The following ACTR3C variants were observed in gnomAD, a reference collection of about 807,000 sequenced individuals.
The protein encoded by ACTR3C is actin related protein 3C.
ACTR3C carries 18 observed loss-of-function variants against 26.3 expected under a neutral mutation model. That is an observed-to-expected ratio of 0.68 (90% CI 0.47 to 1.01). ACTR3C has a LOEUF of 1.01. Ranked by LOEUF, ACTR3C falls within the 50% of genes least tolerant of loss-of-function variation. The probability of loss-of-function intolerance (pLI) is 0.00; values close to 1 mark genes in which losing one functional copy is unlikely to be tolerated. For missense variants in ACTR3C, 184 were observed against 250.7 expected (o/e 0.73, Z 1.80); for synonymous variants, 55 against 94.5 (o/e 0.58, Z 2.42).
At chr7:150,301,732 A>G (rs886456584) in intron 1 of ACTR3C, among the ~76,000 whole-genome samples, 2 of 151,164 alleles carry the variant, frequency 1.3e-5, no homozygotes, top group African/African-American at 5.0e-5. Context: ...TTCAACATGG[A>G]TGAAGCATGA....
chr7:150,275,822 A>C (rs1333230762), intron 6 of ACTR3C, among the ~76,000 whole-genome samples: 1 of 152,166 alleles, frequency 6.6e-6, no homozygotes, highest in African/African-American at 2.4e-5. Context: ...TAGATTGGAA[A>C]TCATGCACTC....
the ACTR3C span, among the ~76,000 whole-genome samples, chr7:149,993,826 G>A: frequency 2.4e-3 from 368 of 151,922 alleles, no homozygotes; most frequent in African/African-American, 8.6e-3. Flanking sequence ...ATTCAGAATG[G>A]GGATATTACC....
At chr7:149,938,945 G>GTA in the ACTR3C span, among the ~76,000 whole-genome samples, 1 of 43,748 alleles carries the variant, frequency 2.3e-5, no homozygotes, top group East Asian at 2.6e-4. Context: ...ATAAATATAT[G>GTA]TATATATATA....
chr7:150,095,969 G>A, the ACTR3C span, among the ~76,000 whole-genome samples: 27 of 148,796 alleles, frequency 1.8e-4, no homozygotes, highest in Non-Finnish European at 4.4e-5. Context: ...GGGACGTGGA[G>A]AAATGACTCC....
chr7:150,182,947 C>G, the ACTR3C span, among the ~76,000 whole-genome samples: 1 of 150,940 alleles, frequency 6.6e-6, no homozygotes, highest in Non-Finnish European at 1.5e-5. Context: ...TTCAAGAACT[C>G]CATCTTCTAC....
At chr7:149,883,070 GT>G in the ACTR3C span, among the ~76,000 whole-genome samples, 1 of 152,344 alleles carries the variant, frequency 6.6e-6, no homozygotes, top group East Asian at 1.9e-4. Flanking sequence ...GACTCTAAGT[GT>G]TTTTAACGTA....
At chr7:149,953,065 A>G in the ACTR3C span, among the ~76,000 whole-genome samples, 12 of 150,684 alleles carry the variant, frequency 8.0e-5, no homozygotes, top group South Asian at 1.0e-3. Flanking sequence ...ACTATCTAGT[A>G]GCTAAATCTG....
chr7:149,911,919 A>T, the ACTR3C span, among the ~76,000 whole-genome samples: 1 of 151,536 alleles, frequency 6.6e-6, no homozygotes, highest in Non-Finnish European at 1.5e-5. Context: ...CTGAGGCAAG[A>T]GGACCCGTTA....
At chr7:150,114,148 T>G in the ACTR3C span, among the ~76,000 whole-genome samples, 1 of 152,218 alleles carries the variant, frequency 6.6e-6, no homozygotes, top group African/African-American at 2.4e-5. Flanking sequence ...AAAGGAAAAG[T>G]TCACCAACGA....
the ACTR3C span, among the ~76,000 whole-genome samples, chr7:150,015,314 T>G: frequency 6.6e-6 from 1 of 152,290 alleles, no homozygotes; most frequent in South Asian, 2.1e-4. Context: ...CAGTCTCTGA[T>G]GTTTTGCAGA....
At chr7:150,042,184 T>G in the ACTR3C span, among the ~76,000 whole-genome samples, 4 of 12,608 alleles carry the variant, frequency 3.2e-4, no homozygotes, top group Admixed American at 8.6e-4. Flanking sequence ...TCGCGGGGGG[T>G]GCCTCCCCCC....
chr7:149,943,133 T>C, the ACTR3C span, among the ~76,000 whole-genome samples: 5 of 150,578 alleles, frequency 3.3e-5, no homozygotes, highest in African/African-American at 1.0e-4. Flanking sequence ...TAAAGTTTTA[T>C]TGGTACACAG....
At chr7:149,976,042 T>C in the ACTR3C span, among the ~76,000 whole-genome samples, 1 of 152,196 alleles carries the variant, frequency 6.6e-6, no homozygotes, top group Non-Finnish European at 1.5e-5. Flanking sequence ...TCATCAACTG[T>C]TCTGGGTGCA....
chr7:150,144,454 T>G, the ACTR3C span, among the ~76,000 whole-genome samples: 1 of 152,200 alleles, frequency 6.6e-6, no homozygotes, highest in African/African-American at 2.4e-5. This position sits in a 1 kb window ranked among gnomAD's most constrained non-coding sequence, Gnocchi z 4.6. Flanking sequence ...TATTTCTGGC[T>G]GGGATCTTAC....
the ACTR3C span, among the ~76,000 whole-genome samples, chr7:149,915,884 A>G: frequency 1.3e-5 from 2 of 151,070 alleles, no homozygotes; most frequent in Non-Finnish European, 2.9e-5. Flanking sequence ...AACACTCAAA[A>G]TAGAGGATAT....
the ACTR3C span, among the ~76,000 whole-genome samples, chr7:149,912,497 T>G: frequency 2.0e-5 from 2 of 101,820 alleles, no homozygotes; most frequent in Non-Finnish European, 2.0e-5. Context: ...AACATGAAGA[T>G]ATATTAATTT....
chr7:150,134,232 T>TA, the ACTR3C span, among the ~76,000 whole-genome samples: 23,608 of 125,246 alleles, frequency 0.19, 1,502 homozygotes, highest in Middle Eastern at 0.24. Flanking sequence ...CTATATGCAG[T>TA]AAAAAAAAAA....
the ACTR3C span, among the ~76,000 whole-genome samples, chr7:149,889,913 C>T: frequency 6.6e-6 from 1 of 152,074 alleles, no homozygotes; most frequent in Non-Finnish European, 1.5e-5. Context: ...TGTGGATGTA[C>T]AGAGAAAACA....
At chr7:150,103,743 G>T in the ACTR3C span, among the ~76,000 whole-genome samples, 1 of 151,822 alleles carries the variant, frequency 6.6e-6, no homozygotes, top group Non-Finnish European at 1.5e-5. Context: ...ATATTGCTAT[G>T]GTTGAGGGCA....
Sources: gnomAD v4.1 joint callset for allele counts (sites outside exome capture counted in the v4.1 genomes callset) on GRCh38, gnomAD v4.1.1 for gene constraint, Gnocchi (gnomAD v3.1) non-coding constraint, MANE v1.5 for transcripts, NCBI Gene and HGNC (gene_info 2026-07-23, HGNC 2026-07-21) for gene names.